Variants in AMPD3 observed in about 807,000 individuals in gnomAD.
The protein encoded by AMPD3 is AMP deaminase 3.
Under a neutral mutation model 82.3 loss-of-function variants are expected in AMPD3, and 57 were observed. The ratio of observed to expected loss-of-function variants is 0.69; its 90% CI spans 0.56 to 0.86. The LOEUF (loss-of-function observed/expected upper bound fraction) is 0.86. Among genes scored for constraint, AMPD3 ranks in the 40% least tolerant of loss-of-function variants. The pLI is 0.00. For synonymous variants in AMPD3, 381 were observed against 394.7 expected (o/e 0.97, Z 0.41); for missense variants, 870 against 1,003.8 (o/e 0.87, Z 1.80).
chr11:10,478,790 G>A (rs1268974428), intron 3 of AMPD3, 60 bp downstream of exon 3: 5 of 1,567,890 alleles, frequency 3.2e-6, no homozygotes, highest in Non-Finnish European at 4.3e-6. Context: ...GGCCCCATGG[G>A]CCACAGGGTC....
At chr11:10,470,369 G>T (rs1270013713) in intron 2 of AMPD3, among the ~76,000 whole-genome samples, 2 of 152,164 alleles carry the variant, frequency 1.3e-5, no homozygotes, top group Non-Finnish European at 2.9e-5. Context: ...TACTGAATGG[G>T]CAAAAACTGG....
upstream of AMPD3, among the ~76,000 whole-genome samples, chr11:10,453,868 TGAGCCACCATGCCCGGCC>T (rs1210105403): frequency 6.6e-6 from 1 of 152,208 alleles, no homozygotes; most frequent in African/African-American, 2.4e-5. Flanking sequence ...ATTACAGGCA[TGAGCCACCATGCCCGGCC>T]GATATCTTTC....
upstream of AMPD3, chr11:10,455,021 C>A: frequency 4.2e-6 from 2 of 473,200 alleles, no homozygotes; most frequent in Non-Finnish European, 2.8e-6. Context: ...GCTCTGTGCA[C>A]ACAGGAATTA....
intron 5 of AMPD3, among the ~76,000 whole-genome samples, chr11:10,486,329 C>T (rs1434897322): frequency 6.6e-6 from 1 of 152,162 alleles, no homozygotes; most frequent in Non-Finnish European, 1.5e-5. Flanking sequence ...TGATTAGATG[C>T]CAAGGAAGCT....
intron 2 of AMPD3, among the ~76,000 whole-genome samples, chr11:10,469,967 G>A (rs1848539674): frequency 6.6e-6 from 1 of 151,064 alleles, no homozygotes; most frequent in South Asian, 2.1e-4. Context: ...GTGAACCCGG[G>A]AGGCGGAGCT....
chr11:10,481,449 T>TGCTCCAG (rs1848902342), intron 3 of AMPD3: 1 of 985,282 alleles, frequency 1.0e-6, no homozygotes, highest in South Asian at 4.7e-5. Context: ...GAGGCCGGCT[T>TGCTCCAG]CTGGGTGTGC....
chr11:10,504,512 C>T (rs1282496318), intron 13 of AMPD3, 37 bp from the exon 14 acceptor site: 2 of 1,579,296 alleles, frequency 1.3e-6, no homozygotes, highest in East Asian at 4.5e-5. Context: ...CATGGATATC[C>T]CCCCTTCTAA....
chr11:10,505,846 G>A lies in AMPD3; in HGVS notation c.2266G>A (p.Ala756Thr). The change falls in exon 15 of 15, where the codon GCT (alanine) becomes ACT (threonine). Residue 756 changes from alanine (A) to threonine (T), a missense_variant. Ala to Thr is a moderately conservative substitution (Grantham distance 58, BLOSUM62 0). Transcript: ENST00000396553. ...CAATGAGCTCAGCTTCCTGTCTGAT[G>A]CTATGAAATCAGAAGAGATCACCGC... The part of the protein sequence containing the change: ...LCNELSFLSD[A>T]MKSEEITALT... The A allele has an allele frequency of 6.2e-7, 1 of 1,614,192 alleles. No individual in the cohort carries two copies. The highest frequency in any genetic ancestry group is 8.5e-7 in the Non-Finnish European group (1 of 1,180,036).
chr11:10,495,874 TAGA>T, intron 9 of AMPD3, 141 bp downstream of exon 9: 2 of 1,107,982 alleles, frequency 1.8e-6, no homozygotes, highest in South Asian at 1.3e-5. Flanking sequence ...GATTTTTCCA[TAGA>T]AGGAGTGATG....
At chr11:10,470,569 C>G (rs1372611430) in intron 2 of AMPD3, among the ~76,000 whole-genome samples, 1 of 152,126 alleles carries the variant, frequency 6.6e-6, no homozygotes, top group Non-Finnish European at 1.5e-5. Flanking sequence ...GAAAACCCCA[C>G]CATCTCAGCC....
In AMPD3 at chr11:10,505,973, C is replaced by T. The variant is rs987653447; in HGVS notation, c.*89C>T. ...GGTCAAGATTCCGAACTAGGACTTT[C>T]CTCTGTGAAGAGGATGCCTCTGAAG... On this transcript the variant is annotated 3_prime_UTR_variant, in exon 15 of 15. Transcript: ENST00000396553. 1.3e-6 allele frequency: 2 copies of T among 1,510,220 alleles called. No individual in the cohort carries two copies. The highest frequency in any genetic ancestry group is 3.4e-5 in the Admixed American group (2 of 59,606). The allele number at this position is 1,510,220 out of a possible 1,614,324, so 93.6% of individuals were successfully genotyped here.
rs571427952 is a variant in AMPD3, at chr11:10,456,977, C to CTTTT, written c.-6+1544_-6+1547dup. ...TTGTTGTGGTTGCTGTTGTTTCTTG[C>CTTTT]TTTTTTTTTTTTTTTTTTGAGAGAA... On this transcript the variant is annotated intron_variant, in intron 1 of 14. Coordinates refer to ENST00000396553, the MANE Select transcript of AMPD3 (RefSeq NM_001025389.2). This position sits in a 1 kb window ranked among gnomAD's most constrained non-coding sequence, Gnocchi z 4.3. Among the ~76,000 whole-genome samples, 859 of 129,176 alleles carry CTTTT rather than the reference C, an allele frequency of 6.6e-3. 13 individuals carry two copies. Among genetic ancestry groups the CTTTT allele is most frequent in the African/African-American group, 0.024 (803 of 33,814 alleles). The allele number at this position is 129,176 out of a possible 152,430, so 84.7% of individuals were successfully genotyped here.
At chr11:10,478,481 A>G (rs2133876897) in intron 2 of AMPD3, 45 bp from the exon 3 acceptor site, 2 of 1,610,800 alleles carry the variant, frequency 1.2e-6, no homozygotes, top group Middle Eastern at 1.7e-4. Flanking sequence ...ACTCACCCCA[A>G]TTAGCTTCTG....
In AMPD3 at chr11:10,500,253, C is replaced by T. The variant is rs1849538725; in HGVS notation, c.1721+4C>T. On this transcript the variant is annotated splice_donor_region_variant and intron_variant, in intron 11 of 14. Transcript: ENST00000396553. ...TGGTGCTCAACAACCTCCGCAGGTGCGTGAGGCCTGCCCTCGCACATGCTT... is the reference window on the plus strand; with the variant it reads ...TGGTGCTCAACAACCTCCGCAGGTGTGTGAGGCCTGCCCTCGCACATGCTT... The T allele has an allele frequency of 3.7e-6, 6 of 1,614,188 alleles. No homozygotes were observed. Among genetic ancestry groups the T allele is most frequent in the Non-Finnish European group, 5.1e-6 (6 of 1,180,000 alleles).
intron 2 of AMPD3, among the ~76,000 whole-genome samples, chr11:10,471,315 G>T (rs1848583095): frequency 6.6e-6 from 1 of 152,030 alleles, no homozygotes; most frequent in Non-Finnish European, 1.5e-5. Context: ...AACTCAAGAT[G>T]GATTAAAGAC....
At chr11:10,477,211 T>G (rs1848766494) in intron 2 of AMPD3, 1 of 630,120 alleles carries the variant, frequency 1.6e-6, no homozygotes, top group Non-Finnish European at 2.0e-6. Context: ...GGTATCACAC[T>G]AGTACCTGGA....
chr11:10,500,907 G>A, intron 11 of AMPD3: 1 of 985,414 alleles, frequency 1.0e-6, no homozygotes, highest in Non-Finnish European at 1.2e-6. Context: ...TGGGCCCTGG[G>A]GTCTCTCTAG....
chr11:10,506,705 A>G lies in AMPD3; in HGVS notation c.*821A>G, dbSNP rs767974917. The G allele has an allele frequency of 6.6e-6, 1 of 152,370 alleles. No individual in the cohort carries two copies. Among genetic ancestry groups the G allele is most frequent in the Non-Finnish European group, 1.5e-5 (1 of 68,080 alleles). 9.4% of individuals were successfully genotyped at this position (152,370 alleles called of 1,614,324 possible). A position where few individuals can be genotyped will look rare whatever the true frequency, so the allele number is the denominator to read the frequency against. ...ACTTCAAAAAGCACAGGACTAGATGATCTCTGTTCCTTTTGGCTCTAATAT... is the reference window on the plus strand; with the variant it reads ...ACTTCAAAAAGCACAGGACTAGATGGTCTCTGTTCCTTTTGGCTCTAATAT... On this transcript the variant is annotated 3_prime_UTR_variant, in exon 15 of 15. Coordinates refer to ENST00000396553, the MANE Select transcript of AMPD3 (RefSeq NM_001025389.2). The surrounding 1 kb of genome is among the most constrained non-coding windows in gnomAD (Gnocchi z 4.1).
At position 10,456,643 on chromosome 11, in the gene AMPD3, G is replaced by T. The variant is rs550107131; in HGVS notation, c.-6+1195G>T. The T allele has an allele frequency of 3.7e-4, 360 of 981,598 alleles. No homozygotes were observed. Among genetic ancestry groups the T allele is most frequent in the Admixed American group, 4.9e-4 (8 of 16,288 alleles). The allele number at this position is 981,598 out of a possible 1,614,324, so 60.8% of individuals were successfully genotyped here. ...TAAGCTGTATCATTGGCTGACTGAT[G>T]CTGGTGAATTCACAGCTAAGCCTCC... On this transcript the variant is annotated intron_variant, in intron 1 of 14. Transcript: ENST00000396553. This position sits in a 1 kb window ranked among gnomAD's most constrained non-coding sequence, Gnocchi z 4.3.
Sources: gnomAD v4.1 joint callset for allele counts (sites outside exome capture counted in the v4.1 genomes callset) on GRCh38, gnomAD v4.1.1 for gene constraint, Gnocchi (gnomAD v3.1) non-coding constraint, MANE v1.5 for transcripts, NCBI Gene and HGNC (gene_info 2026-07-23, HGNC 2026-07-21) for gene names.